Variants in GRID2 observed in about 807,000 individuals in gnomAD.
GRID2 encodes glutamate ionotropic receptor delta type subunit 2.
A neutral mutation model predicts 114.8 loss-of-function variants in GRID2; 33 were observed. The observed-to-expected ratio is 0.29, with a 90% confidence interval of 0.22 to 0.38. The LOEUF is 0.38. Ranked by LOEUF, GRID2 falls within the 10% of genes least tolerant of loss-of-function variation. GRID2 has a pLI of 1.00. For missense variants in GRID2, 1,184 were observed against 1,257.7 expected (o/e 0.94, Z 0.89); for synonymous variants, 505 against 449.9 (o/e 1.12, Z -1.55).
At chr4:93,106,546 C>T (rs951203530) in intron 3 of GRID2, among the ~76,000 whole-genome samples, 5 of 152,084 alleles carry the variant, frequency 3.3e-5, no homozygotes, top group Non-Finnish European at 5.9e-5. Flanking sequence ...TGGTCTGAAA[C>T]TCCTGACCTC....
chr4:93,479,096 T>TTTTTTTAA, intron 11 of GRID2, among the ~76,000 whole-genome samples: 1 of 152,158 alleles, frequency 6.6e-6, no homozygotes, highest in East Asian at 1.9e-4. Context: ...GTCACACAAT[T>TTTTTTTAA]TTTTTTAATT....
chr4:93,775,479 A>T (rs752376492), downstream of GRID2, among the ~76,000 whole-genome samples: 2 of 152,190 alleles, frequency 1.3e-5, no homozygotes, highest in Non-Finnish European at 2.9e-5. Context: ...AGATCATCTG[A>T]TTCCACTTTT....
chr4:92,773,011 C>T (rs1270898047), intron 2 of GRID2, among the ~76,000 whole-genome samples: 2 of 152,116 alleles, frequency 1.3e-5, no homozygotes, highest in African/African-American at 4.8e-5. Context: ...CTCATTAGTT[C>T]AGCACAATGG....
chr4:93,632,067 G>GT (rs1720950773), intron 14 of GRID2, among the ~76,000 whole-genome samples: 1 of 152,100 alleles, frequency 6.6e-6, no homozygotes, highest in Admixed American at 6.6e-5. Context: ...GAGGTTGTTT[G>GT]TTTTTTCCTT....
chr4:93,620,825 A>C (rs564932402), intron 13 of GRID2, among the ~76,000 whole-genome samples: 3 of 152,214 alleles, frequency 2.0e-5, no homozygotes, highest in Admixed American at 6.5e-5. Flanking sequence ...GTTAGGTACT[A>C]TTGATAAGGA....
At chr4:93,595,520 T>G (rs72889151) in intron 13 of GRID2, among the ~76,000 whole-genome samples, 5,679 of 152,274 alleles carry the variant, frequency 0.037, 356 homozygotes, top group African/African-American at 0.13. Flanking sequence ...ATTGTAAAAC[T>G]TAATGAAACA....
chr4:93,682,627 T>C (rs1725676852), intron 14 of GRID2, among the ~76,000 whole-genome samples: 1 of 152,090 alleles, frequency 6.6e-6, no homozygotes, highest in Admixed American at 6.6e-5. Context: ...TCATGTCCTT[T>C]GTAGGGACAT....
intron 2 of GRID2, among the ~76,000 whole-genome samples, chr4:92,763,643 A>G (rs1738126708): frequency 6.6e-6 from 1 of 152,184 alleles, no homozygotes; most frequent in Non-Finnish European, 1.5e-5. Flanking sequence ...ACAGAGTAAT[A>G]TGTGGAGCGT....
chr4:93,739,058 T>A (rs957146745), intron 14 of GRID2, among the ~76,000 whole-genome samples: 11 of 152,068 alleles, frequency 7.2e-5, no homozygotes, highest in African/African-American at 2.7e-4. Context: ...ATTCTGAATC[T>A]GGGTCAGTCA....
chr4:92,336,954 GTTTTTTTTTT>G (rs59093874), intron 1 of GRID2, among the ~76,000 whole-genome samples: 2 of 78,192 alleles, frequency 2.6e-5, no homozygotes, highest in East Asian at 3.7e-4. Context: ...TTTCGTTGTT[GTTTTTTTTTT>G]TTTTTTTTTT....
intron 8 of GRID2, among the ~76,000 whole-genome samples, chr4:93,332,418 T>C (rs1309401839): frequency 6.6e-6 from 1 of 151,904 alleles, no homozygotes; most frequent in Non-Finnish European, 1.5e-5. Context: ...CCCCTTTCTG[T>C]ATCCACGCAG....
chr4:92,730,381 A>C (rs1736275581), intron 2 of GRID2, among the ~76,000 whole-genome samples: 1 of 151,874 alleles, frequency 6.6e-6, no homozygotes, highest in African/African-American at 2.4e-5. Context: ...ACAGTAAAAT[A>C]AAGCTGCATT....
At position 92,962,788 on chromosome 4, in the gene GRID2, A is replaced by G. The variant is rs533699005; in HGVS notation, c.245-122207A>G. Among the ~76,000 whole-genome samples, 9 of 151,998 alleles carry G rather than the reference A, an allele frequency of 5.9e-5. No homozygotes were observed. In the South Asian group the frequency reaches 1.9e-3, roughly 32 times the overall value. ...GTTTTTGACTCTCAGAATTTTCCACACTGAGTCTCCAGCAAGTCATCAAAT... is the reference window on the plus strand; with the variant it reads ...GTTTTTGACTCTCAGAATTTTCCACGCTGAGTCTCCAGCAAGTCATCAAAT... On this transcript the variant is annotated intron_variant, in intron 2 of 15. Coordinates refer to ENST00000282020, the MANE Select transcript of GRID2 (RefSeq NM_001510.4).
At chr4:93,214,961 CTA>C (rs1272684302) in intron 5 of GRID2, among the ~76,000 whole-genome samples, 1 of 151,906 alleles carries the variant, frequency 6.6e-6, no homozygotes. Context: ...TAAATTCATC[CTA>C]TGAGTAGAGT....
At chr4:93,612,278 G>C (rs1237353442) in intron 13 of GRID2, among the ~76,000 whole-genome samples, 1 of 150,576 alleles carries the variant, frequency 6.6e-6, no homozygotes, top group Non-Finnish European at 1.5e-5. Flanking sequence ...TTGCCAGTCT[G>C]TGTCTTTTAA....
At chr4:92,946,826 A>G (rs1193564487) in intron 2 of GRID2, among the ~76,000 whole-genome samples, 2 of 152,074 alleles carry the variant, frequency 1.3e-5, no homozygotes, top group African/African-American at 4.8e-5. Flanking sequence ...TTTCTGATTC[A>G]ATAGGCCTGC....
chr4:92,693,429 T>G (rs985717556), intron 2 of GRID2, among the ~76,000 whole-genome samples: 1 of 152,228 alleles, frequency 6.6e-6, no homozygotes, highest in Non-Finnish European at 1.5e-5. Context: ...GTTTTTCCAG[T>G]TTTCCACTTT....
At chr4:92,462,916 C>T (rs533884453) in intron 1 of GRID2, among the ~76,000 whole-genome samples, 25 of 151,936 alleles carry the variant, frequency 1.6e-4, no homozygotes, top group Admixed American at 8.5e-4. Context: ...CTATGAAAGA[C>T]ACAATTGTCC....
chr4:92,540,782 C>T (rs1050103814), intron 1 of GRID2, among the ~76,000 whole-genome samples: 64 of 152,078 alleles, frequency 4.2e-4, no homozygotes, highest in Non-Finnish European at 1.5e-4. Context: ...ACCCAGCCAT[C>T]CCATTACTGG....
Sources: allele counts gnomAD v4.1 joint callset (sites outside exome capture counted in the v4.1 genomes callset), GRCh38; gene constraint gnomAD v4.1.1; transcripts MANE v1.5; gene names NCBI Gene and HGNC (gene_info 2026-07-23, HGNC 2026-07-21).